The following NAV2 variants were observed in gnomAD, a reference collection of about 807,000 sequenced individuals.
The protein encoded by NAV2 is neuron navigator 2.
In NAV2, 54 loss-of-function variants were observed where a neutral mutation model predicts 223.2. That is an observed-to-expected ratio of 0.24 (90% confidence interval 0.19 to 0.30). NAV2 has a LOEUF of 0.30. Among genes scored for constraint, NAV2 ranks in the 10% least tolerant of loss-of-function variants. NAV2 has a pLI of 1.00. For synonymous variants in NAV2, 1,279 were observed against 1,239.3 expected (o/e 1.03, Z -0.67); for missense variants, 2,806 against 3,147.5 (o/e 0.89, Z 2.60).
chr11:19,551,322 T>C (rs754800012), intron 1 of NAV2, among the ~76,000 whole-genome samples: 2 of 152,256 alleles, frequency 1.3e-5, no homozygotes, highest in Non-Finnish European at 2.9e-5. Context: ...CAGGACCACG[T>C]ATTTTCTTCT....
intron 1 of NAV2, among the ~76,000 whole-genome samples, chr11:19,621,131 AG>A (rs1590703049): frequency 1.3e-5 from 2 of 152,202 alleles, no homozygotes; most frequent in African/African-American, 4.8e-5. Context: ...ATGATGGATA[AG>A]CTTTTCGATG....
chr11:19,555,898 GACTAGAGTTC>G (rs1315525814), intron 1 of NAV2, among the ~76,000 whole-genome samples: 1 of 150,376 alleles, frequency 6.6e-6, no homozygotes, highest in Non-Finnish European at 1.5e-5. Context: ...AGCAGAGCCT[GACTAGAGTTC>G]AGCCTGTGCT....
intron 3 of NAV2, among the ~76,000 whole-genome samples, chr11:19,864,077 G>A (rs958850741): frequency 2.0e-5 from 3 of 152,162 alleles, no homozygotes; most frequent in Non-Finnish European, 4.4e-5. Context: ...CTTGCCTGGG[G>A]TCTAAAGCTC....
chr11:20,097,505 C>T, intron 30 of NAV2, 72 bp from the exon 31 acceptor site: 2 of 1,200,604 alleles, frequency 1.7e-6, no homozygotes, highest in South Asian at 3.2e-5. Flanking sequence ...ATAAATCACC[C>T]AGGGAAAACA....
Position 19,968,054 on chromosome 11 carries a change from G to A in NAV2, c.2646-16071G>A, listed in dbSNP as rs946438403. On this transcript the variant is annotated intron_variant, in intron 10 of 37. Coordinates refer to ENST00000349880, the MANE Select transcript of NAV2 (RefSeq NM_145117.5). ...GTTCTGATCTGGAAGATAAGGAAGT[G>A]GACTGTGGCTACAGTCCAGATAAGA... Among the ~76,000 whole-genome samples the A allele has an allele frequency of 7.9e-5, 12 of 152,286 alleles. 1 individual carries two copies. Among genetic ancestry groups the A allele is most frequent in the Admixed American group, 4.6e-4 (7 of 15,298 alleles).
In NAV2 at chr11:19,546,707, A is replaced by G. The variant is rs7107482; in HGVS notation, c.75+195680A>G. On this transcript the variant is annotated intron_variant, in intron 1 of 37. Transcript: ENST00000360655. ...TTATTTCCCAGGTTTTGAGTACACTATCTCTTAACTTTCCCTAAAAGTAAA... is the reference window on the plus strand; with the variant it reads ...TTATTTCCCAGGTTTTGAGTACACTGTCTCTTAACTTTCCCTAAAAGTAAA... Among the ~76,000 whole-genome samples, 12 of 152,094 alleles carry G rather than the reference A, an allele frequency of 7.9e-5. No individual in the cohort carries two copies. In the East Asian group the frequency reaches 2.3e-3, roughly 29 times the overall value.
chr11:19,834,063 C>G (rs947073835), intron 2 of NAV2, among the ~76,000 whole-genome samples: 1 of 152,026 alleles, frequency 6.6e-6, no homozygotes, highest in Non-Finnish European at 1.5e-5. Flanking sequence ...AAGCAAGTCA[C>G]AGGTCCCTAC....
intron 11 of NAV2, among the ~76,000 whole-genome samples, chr11:20,016,975 C>T (rs1393400579): frequency 6.6e-6 from 1 of 152,026 alleles, no homozygotes; most frequent in African/African-American, 2.4e-5. Flanking sequence ...CACTGCACTC[C>T]AGCCTAAACA....
chr11:19,484,683 C>A (rs898120307), intron 1 of NAV2, among the ~76,000 whole-genome samples: 4 of 152,204 alleles, frequency 2.6e-5, no homozygotes, highest in Non-Finnish European at 5.9e-5. Flanking sequence ...TCCTCATCAG[C>A]CTGGCCAGCC....
At chr11:20,044,883 T>G (rs2057295079) in intron 13 of NAV2, 85 bp from the exon 14 acceptor site, 3 of 1,165,586 alleles carry the variant, frequency 2.6e-6, no homozygotes, top group Non-Finnish European at 3.6e-6. Context: ...GAACCAGCTC[T>G]TCAGAGGAGG....
chr11:20,079,435 A>G (rs1173591069), intron 24 of NAV2, among the ~76,000 whole-genome samples: 1 of 152,188 alleles, frequency 6.6e-6, no homozygotes, highest in African/African-American at 2.4e-5. Context: ...GTTCTCAAAG[A>G]CCAGCCTTTA....
rs187972395 is a variant in NAV2, at chr11:19,777,977, C to T, written c.268-54507C>T. On this transcript the variant is annotated intron_variant, in intron 1 of 37. Coordinates refer to ENST00000349880, the MANE Select transcript of NAV2 (RefSeq NM_145117.5). ...GGCTTGTCTGTGGGGAATACATGAGCCCCGAGTGAGTGAGTATGCACCGGG... is the reference window on the plus strand; with the variant it reads ...GGCTTGTCTGTGGGGAATACATGAGTCCCGAGTGAGTGAGTATGCACCGGG... 8.9e-4 allele frequency: 406 copies of T among 455,484 alleles called. 1 individual carries two copies. The highest frequency in any genetic ancestry group is 7.6e-3 in the African/African-American group (382 of 49,968). The allele number at this position is 455,484 out of a possible 1,614,324, so 28.2% of individuals were successfully genotyped here.
chr11:20,053,910 A>G (rs2058190533), intron 17 of NAV2, among the ~76,000 whole-genome samples, 170 bp from the exon 18 acceptor site: 1 of 152,212 alleles, frequency 6.6e-6, no homozygotes, highest in Non-Finnish European at 1.5e-5. Context: ...GCCAAATAGA[A>G]AAAAGGTTTT....
chr11:19,960,022 C>G (rs994206028), intron 10 of NAV2, among the ~76,000 whole-genome samples: 20 of 152,284 alleles, frequency 1.3e-4, no homozygotes, highest in Admixed American at 5.9e-4. Flanking sequence ...CACCTTAAGT[C>G]CATTAATCAA....
chr11:19,551,945 C>A lies in NAV2; in HGVS notation c.75+200918C>A, dbSNP rs1381344842. Among the ~76,000 whole-genome samples the A allele has an allele frequency of 2.6e-5, 4 of 152,026 alleles. No homozygotes were observed. In the East Asian group the frequency reaches 7.8e-4, roughly 30 times the overall value. On this transcript the variant is annotated intron_variant, in intron 1 of 37. Coordinates refer to the NAV2 transcript ENST00000360655. The stretch of plus-strand genomic sequence containing the variant: ...TCTTTCTCCACATCTCCTCTCCTTT[C>A]AAGAGGACATTAGCTCCCTGACTGC...
At chr11:19,840,289 A>C (rs181103902) in intron 2 of NAV2, among the ~76,000 whole-genome samples, 10 of 152,340 alleles carry the variant, frequency 6.6e-5, no homozygotes, top group African/African-American at 9.6e-5. Context: ...TGTAAGAGCC[A>C]TGATATTTAA....
chr11:19,438,733 A>G (rs965625941), intron 1 of NAV2, among the ~76,000 whole-genome samples: 3 of 152,220 alleles, frequency 2.0e-5, no homozygotes, highest in African/African-American at 7.2e-5. Flanking sequence ...GGTACAGATT[A>G]GTAGTCCAAA....
chr11:20,110,563 G>A (rs11025389), intron 36 of NAV2, among the ~76,000 whole-genome samples: 9,607 of 152,160 alleles, frequency 0.063, 353 homozygotes, highest in Non-Finnish European at 0.075. Flanking sequence ...GGTGGAGTGC[G>A]TGTTGGTGCC....
At chr11:20,023,022 G>A (rs977906776) in intron 11 of NAV2, 1 of 1,535,176 alleles carries the variant, frequency 6.5e-7, no homozygotes, top group Non-Finnish European at 8.8e-7. Flanking sequence ...GTGTGGGCTG[G>A]CTCAGCTGGC....
Sources: allele counts gnomAD v4.1 joint callset (sites outside exome capture counted in the v4.1 genomes callset), GRCh38; gene constraint gnomAD v4.1.1; transcripts MANE v1.5; gene names NCBI Gene and HGNC (gene_info 2026-07-23, HGNC 2026-07-21).